Variants in ATG13 observed in about 807,000 individuals in gnomAD.
The protein encoded by ATG13 is autophagy-related protein 13.
Under a neutral mutation model 65.5 loss-of-function variants are expected in ATG13, and 23 were observed. That is an observed-to-expected ratio of 0.35 (90% CI 0.25 to 0.50). The LOEUF (loss-of-function observed/expected upper bound fraction) is 0.50. ATG13 is among the 20% of genes least tolerant of loss of function. The pLI, the probability that ATG13 is intolerant of heterozygous loss-of-function variation, is 0.98. For synonymous variants in ATG13, 252 were observed against 245.2 expected (o/e 1.03, Z -0.26); for missense variants, 566 against 677.0 (o/e 0.84, Z 1.82).
chr11:46,652,532 T>C (rs973651515), intron 7 of ATG13, among the ~76,000 whole-genome samples: 3 of 152,022 alleles, frequency 2.0e-5, no homozygotes. Flanking sequence ...CTGGGCAACA[T>C]AGTGATACCT....
At chr11:46,625,269 C>CTTTTTTTTT (rs59095357) in intron 1 of ATG13, 9 of 84,348 alleles carry the variant, frequency 1.1e-4, no homozygotes, top group African/African-American at 3.1e-4. Flanking sequence ...CTTGCTCTTT[C>CTTTTTTTTT]TTTTTTTTTT....
chr11:46,656,295 ACAT>A (rs762296163), intron 8 of ATG13, 22 bp downstream of exon 8: 2 of 1,603,324 alleles, frequency 1.2e-6, no homozygotes, highest in Non-Finnish European at 1.7e-6. Flanking sequence ...CGGTTGAAAA[ACAT>A]CGTAGTGTTC....
At chr11:46,663,940 C>CTT in intron 11 of ATG13, 57 bp from the exon 12 acceptor site, 1 of 1,158,652 alleles carries the variant, frequency 8.6e-7, no homozygotes, top group Non-Finnish European at 1.2e-6. Context: ...TCTCAAGTCC[C>CTT]TTTTCTTTTT....
At chr11:46,627,941 T>C (rs2050293007) in intron 1 of ATG13, among the ~76,000 whole-genome samples, 1 of 151,828 alleles carries the variant, frequency 6.6e-6, no homozygotes, top group African/African-American at 2.4e-5. Flanking sequence ...AAAAATTAGC[T>C]GGGTGTGGTG....
chr11:46,660,649 C>G (rs1372754649), intron 11 of ATG13, among the ~76,000 whole-genome samples: 43 of 151,374 alleles, frequency 2.8e-4, no homozygotes, highest in African/African-American at 9.7e-4. Context: ...ACCTCATGAT[C>G]CGCCCGCCTC....
At chr11:46,646,170 A>G (rs2057479056) in intron 5 of ATG13, among the ~76,000 whole-genome samples, 181 bp downstream of exon 5, 1 of 151,504 alleles carries the variant, frequency 6.6e-6, no homozygotes, top group Non-Finnish European at 1.5e-5. Flanking sequence ...TTTTTTTGAG[A>G]CTGAGTCTCG....
At chr11:46,669,629 A>T in intron 18 of ATG13, 97 bp downstream of exon 18, 4 of 1,368,076 alleles carry the variant, frequency 2.9e-6, no homozygotes, top group Non-Finnish European at 4.0e-6. Context: ...TCTTCCCTGT[A>T]ATAGGAAAGA....
At chr11:46,662,642 G>A in intron 11 of ATG13, among the ~76,000 whole-genome samples, 1 of 152,118 alleles carries the variant, frequency 6.6e-6, no homozygotes, top group Non-Finnish European at 1.5e-5. Context: ...GTACAATTTG[G>A]TACAAAAATA....
At chr11:46,668,478 T>C in intron 15 of ATG13, 21 bp from the exon 16 acceptor site, 1 of 1,611,982 alleles carries the variant, frequency 6.2e-7, no homozygotes, top group Non-Finnish European at 8.5e-7. Context: ...GCATGAATGC[T>C]TTTCTCCTGT....
intron 7 of ATG13, among the ~76,000 whole-genome samples, chr11:46,651,469 C>T (rs1591942494): frequency 6.6e-6 from 1 of 152,122 alleles, no homozygotes; most frequent in East Asian, 1.9e-4. Flanking sequence ...GTCAGATGAA[C>T]CAGAGTGGTG....
At chr11:46,651,903 A>C (rs1451066368) in intron 7 of ATG13, among the ~76,000 whole-genome samples, 1 of 152,198 alleles carries the variant, frequency 6.6e-6, no homozygotes, top group Non-Finnish European at 1.5e-5. Context: ...TAGGACTGCT[A>C]GTCCTTTTCA....
intron 11 of ATG13, among the ~76,000 whole-genome samples, chr11:46,662,798 G>A (rs1040339269): frequency 3.3e-5 from 5 of 152,080 alleles, no homozygotes; most frequent in Non-Finnish European, 5.9e-5. Flanking sequence ...AACTTCTATT[G>A]GAGCTTTTGC....
At chr11:46,650,422 T>C in intron 7 of ATG13, 105 bp downstream of exon 7, 1 of 1,429,562 alleles carries the variant, frequency 7.0e-7, no homozygotes. Context: ...AGTTGGTTGG[T>C]TTGTTGGATT....
chr11:46,639,490 T>TTA (rs150950900), intron 2 of ATG13, among the ~76,000 whole-genome samples: 153 of 150,582 alleles, frequency 1.0e-3, no homozygotes, highest in South Asian at 5.0e-3. Flanking sequence ...AATTCTGTCT[T>TTA]TATATATATA....
intron 2 of ATG13, among the ~76,000 whole-genome samples, chr11:46,634,841 A>G (rs2053377446): frequency 6.6e-6 from 1 of 152,020 alleles, no homozygotes; most frequent in Non-Finnish European, 1.5e-5. Context: ...AGCTGGGACT[A>G]CAGGTGTGTG....
At chr11:46,664,128 C>A in intron 12 of ATG13, 33 bp downstream of exon 12, 1 of 1,393,950 alleles carries the variant, frequency 7.2e-7, no homozygotes, top group Non-Finnish European at 9.9e-7. Flanking sequence ...GGGATATAAT[C>A]AGATGGCATC....
At chr11:46,619,856 C>T (rs1022976443) in intron 1 of ATG13, among the ~76,000 whole-genome samples, 16 of 151,370 alleles carry the variant, frequency 1.1e-4, no homozygotes, top group African/African-American at 3.9e-4. Flanking sequence ...GGTGAAACCC[C>T]GTCTCTACTA....
rs34698902 is a variant in ATG13 at position 46,668,843 on chromosome 11, T to A, written c.1379T>A (p.Leu460Gln). 1,371 of 1,614,030 alleles carry A rather than the reference T, an allele frequency of 8.5e-4. 1 individual carries two copies. The highest frequency in any genetic ancestry group is 1.1e-3 in the Non-Finnish European group (1,327 of 1,180,006). The stretch of plus-strand genomic sequence containing the variant: ...ACTGAATCTCCTCTCCAGGGCAGCC[T>A]GCACTCAGATGGCTCCAGCGGGGGC... ...PETESPLQGS[L>Q]HSDGSSGGSS... The change falls in exon 17 of 19, where the codon CTG (leucine) becomes CAG (glutamine). Residue 460 changes from leucine (L) to glutamine (Q), a missense_variant. By Grantham distance (113) the Leu-to-Gln change is moderately radical. Transcript: ENST00000683050.
At chr11:46,624,997 C>T (rs1313731516) in intron 1 of ATG13, among the ~76,000 whole-genome samples, 3 of 151,928 alleles carry the variant, frequency 2.0e-5, no homozygotes, top group Non-Finnish European at 4.4e-5. Context: ...CCAGCCTGAG[C>T]AACAGAGACC....
Sources: allele counts gnomAD v4.1 joint callset (sites outside exome capture counted in the v4.1 genomes callset), GRCh38; gene constraint gnomAD v4.1.1; transcripts MANE v1.5; gene names NCBI Gene and HGNC (gene_info 2026-07-23, HGNC 2026-07-21).